GRIN2B: variants seen among roughly 807,000 people sequenced by gnomAD.
GRIN2B encodes glutamate receptor ionotropic, NMDA 2B.
In GRIN2B, 5 loss-of-function variants were observed where a neutral mutation model predicts 114.5. That is an observed-to-expected ratio of 0.04 (90% CI 0.02 to 0.09). The LOEUF (loss-of-function observed/expected upper bound fraction) is 0.09, where lower values mean the gene tolerates loss of function less well. GRIN2B is among the 10% of genes least tolerant of loss of function. The probability of loss-of-function intolerance (pLI) is 1.00; values close to 1 mark genes in which losing one functional copy is unlikely to be tolerated. For missense variants in GRIN2B, 1,108 were observed against 1,943.5 expected (o/e 0.57, Z 8.08); for synonymous variants, 787 against 745.1 (o/e 1.06, Z -0.92).
rs1863135216 is a variant in GRIN2B, at chr12:13,981,374, G to T, written c.-480C>A. The T allele has an allele frequency of 6.6e-6, 1 of 152,220 alleles. No individual in the cohort carries two copies. Among genetic ancestry groups the T allele is most frequent in the East Asian group, 1.9e-4 (1 of 5,168 alleles). 9.4% of individuals were successfully genotyped at this position (152,220 alleles called of 1,614,324 possible). A position where few individuals can be genotyped will look rare whatever the true frequency, so the allele number is the denominator to read the frequency against. On this transcript the variant is annotated 5_prime_UTR_variant, in exon 1 of 14. Coordinates refer to ENST00000609686, the MANE Select transcript of GRIN2B (RefSeq NM_000834.5). ...GAGCGCCTCCGCGGTTGCAGTCTGC[G>T]GAGAGGGGTGGCCGGTGGCTGGGAA...
chr12:13,690,774 T>C (rs1252398395), intron 4 of GRIN2B, among the ~76,000 whole-genome samples: 1 of 152,154 alleles, frequency 6.6e-6, no homozygotes, highest in Non-Finnish European at 1.5e-5. Flanking sequence ...GAAAGAAAAA[T>C]AAATAAAATT....
In GRIN2B at chr12:13,551,155, G is replaced by C. The variant is rs560045617; in HGVS notation, c.*11628C>G. ...GGAGAGAGAGAACAGATAAATTATT[G>C]AATCCGTGAAGGCATTTATCCCTAT... On this transcript the variant is annotated 3_prime_UTR_variant, in exon 14 of 14. Transcript: ENST00000609686. 2.0e-5 allele frequency: 3 copies of C among 152,078 alleles called. No homozygotes were observed. The South Asian group carries it at 6.2e-4, about 32-fold the overall frequency. 9.4% of individuals were successfully genotyped at this position (152,078 alleles called of 1,614,324 possible).
At chr12:13,822,806 G>A (rs1205130474) in intron 3 of GRIN2B, among the ~76,000 whole-genome samples, 2 of 152,062 alleles carry the variant, frequency 1.3e-5, no homozygotes, top group African/African-American at 4.8e-5. Flanking sequence ...TCACTGATTT[G>A]ATGACTGGCG....
At chr12:13,590,363 A>G (rs1948989944) in intron 10 of GRIN2B, among the ~76,000 whole-genome samples, 1 of 151,754 alleles carries the variant, frequency 6.6e-6, no homozygotes, top group South Asian at 2.1e-4. Flanking sequence ...TGCATTAGGT[A>G]TTTTTCCTAA....
intron 3 of GRIN2B, among the ~76,000 whole-genome samples, chr12:13,832,755 A>G (rs1865174921): frequency 1.3e-5 from 2 of 152,234 alleles, no homozygotes; most frequent in Admixed American, 1.3e-4. Context: ...AACTAATGCT[A>G]TGATGACCAC....
rs1279051341 is a variant in GRIN2B, at chr12:13,564,699, AAC to A, written c.2599-62_2599-61del. The A allele has an allele frequency of 5.6e-6, 8 of 1,432,890 alleles. No homozygotes were observed. The highest frequency in any genetic ancestry group is 4.2e-5 in the African/African-American group (3 of 71,668). The allele number at this position is 1,432,890 out of a possible 1,614,324, so 88.8% of individuals were successfully genotyped here. On this transcript the variant is annotated intron_variant, in intron 13 of 13. Transcript: ENST00000609686. This position sits in a 1 kb window ranked among gnomAD's most constrained non-coding sequence, Gnocchi z 4.8. ...AGAGAGGCTAGAAATGACCACAAAA[AAC>A]ACTCTCCCACCAATAATTGCTCCAA...
At chr12:13,923,512 G>A (rs219873) in intron 2 of GRIN2B, among the ~76,000 whole-genome samples, 114,781 of 152,050 alleles carry the variant, frequency 0.75, 44,237 homozygotes, top group Non-Finnish European at 0.85. Context: ...TCCATGGTAA[G>A]TGACCTCTAT....
At chr12:13,594,265 G>T (rs772589782) in intron 10 of GRIN2B, among the ~76,000 whole-genome samples, 21 of 152,114 alleles carry the variant, frequency 1.4e-4, no homozygotes, top group Non-Finnish European at 2.6e-4. Context: ...CAAAGACTTG[G>T]AACTGACCCA....
chr12:13,879,480 T>C (rs1866038577), intron 2 of GRIN2B, among the ~76,000 whole-genome samples: 1 of 151,904 alleles, frequency 6.6e-6, no homozygotes, highest in Non-Finnish European at 1.5e-5. Context: ...GTTAACTTTG[T>C]GGTTTTTCTT....
At chr12:13,672,971 T>A (rs1345079714) in intron 5 of GRIN2B, among the ~76,000 whole-genome samples, 3 of 152,172 alleles carry the variant, frequency 2.0e-5, no homozygotes, top group Admixed American at 1.3e-4. Flanking sequence ...TACAAATATT[T>A]ATTGAACTGC....
chr12:13,629,930 G>A (rs1370235745), intron 5 of GRIN2B, among the ~76,000 whole-genome samples: 1 of 152,150 alleles, frequency 6.6e-6, no homozygotes, highest in African/African-American at 2.4e-5. Flanking sequence ...GCTGGACTAA[G>A]GGGTTAGGTA....
chr12:13,967,928 C>A (rs996132065), intron 2 of GRIN2B, among the ~76,000 whole-genome samples: 12 of 152,182 alleles, frequency 7.9e-5, no homozygotes, highest in Non-Finnish European at 1.6e-4. Flanking sequence ...GCCTGTGTCA[C>A]CATCTCCATC....
intron 4 of GRIN2B, among the ~76,000 whole-genome samples, chr12:13,706,316 T>A (rs1467522517): frequency 6.6e-6 from 1 of 152,146 alleles, no homozygotes; most frequent in African/African-American, 2.4e-5. Flanking sequence ...GAAATGCCAT[T>A]CTTCAATATG....
intron 3 of GRIN2B, among the ~76,000 whole-genome samples, chr12:13,788,015 C>T (rs954099571): frequency 3.9e-5 from 6 of 152,206 alleles, no homozygotes; most frequent in Non-Finnish European, 7.3e-5. Context: ...CCAATGGAGC[C>T]CTCGTGAACC....
Position 13,556,892 on chromosome 12 carries a change from A to G in GRIN2B, c.*5891T>C, listed in dbSNP as rs1948484491. On this transcript the variant is annotated 3_prime_UTR_variant, in exon 14 of 14. Coordinates refer to ENST00000609686, the MANE Select transcript of GRIN2B (RefSeq NM_000834.5). ...ATGTGGAAGATTTCTAACTTTCCCT[A>G]CTTATTCCCAGTACTGCTATTCTAA... 6.6e-6 allele frequency: 1 copy of G among 152,172 alleles called. No individual in the cohort carries two copies. Among genetic ancestry groups the G allele is most frequent in the Non-Finnish European group, 1.5e-5 (1 of 68,022 alleles). 9.4% of individuals were successfully genotyped at this position (152,172 alleles called of 1,614,324 possible). A position where few individuals can be genotyped will look rare whatever the true frequency, so the allele number is the denominator to read the frequency against.
intron 3 of GRIN2B, among the ~76,000 whole-genome samples, chr12:13,861,535 A>G (rs1402078056): frequency 6.6e-6 from 1 of 152,180 alleles, no homozygotes; most frequent in Non-Finnish European, 1.5e-5. Flanking sequence ...GCCAAAAAGC[A>G]CCTCATACAT....
chr12:13,620,038 T>C (rs1288591928), intron 5 of GRIN2B, among the ~76,000 whole-genome samples: 1 of 152,218 alleles, frequency 6.6e-6, no homozygotes, highest in Non-Finnish European at 1.5e-5. Context: ...ATTACTGTAA[T>C]AAAAGATATA....
chr12:13,728,991 C>T (rs1311531463), intron 4 of GRIN2B, among the ~76,000 whole-genome samples: 1 of 152,196 alleles, frequency 6.6e-6, no homozygotes, highest in Non-Finnish European at 1.5e-5. Context: ...AAAACTCTCT[C>T]CATACACAAG....
intron 5 of GRIN2B, among the ~76,000 whole-genome samples, chr12:13,633,375 G>A (rs1038705059): frequency 6.6e-6 from 1 of 152,226 alleles, no homozygotes; most frequent in Non-Finnish European, 1.5e-5. Context: ...AGAACTGCTG[G>A]TTTACACAAC....
Sources: allele counts gnomAD v4.1 joint callset (sites outside exome capture counted in the v4.1 genomes callset), GRCh38; gene constraint gnomAD v4.1.1; non-coding constraint Gnocchi (gnomAD v3.1); transcripts MANE v1.5; gene names NCBI Gene and HGNC (gene_info 2026-07-23, HGNC 2026-07-21).